The following TCP11L1 variants were observed in gnomAD, a reference collection of about 807,000 sequenced individuals.
The protein encoded by TCP11L1 is T-complex protein 11-like protein 1.
In TCP11L1, 28 loss-of-function variants were observed where a neutral mutation model predicts 48.9. The ratio of observed to expected loss-of-function variants is 0.57; its 90% CI spans 0.42 to 0.78. The LOEUF (loss-of-function observed/expected upper bound fraction) is 0.78. Among genes scored for constraint, TCP11L1 ranks in the 30% least tolerant of loss-of-function variants. TCP11L1 has a pLI of 0.00. For missense variants in TCP11L1, 505 were observed against 613.4 expected (o/e 0.82, Z 1.87); for synonymous variants, 204 against 231.9 (o/e 0.88, Z 1.09).
Position 33,073,479 on chromosome 11 carries a change from A to G in TCP11L1, c.*803A>G, listed in dbSNP as rs1854857111. 6.6e-6 allele frequency: 1 copy of G among 152,072 alleles called. No individual in the cohort carries two copies. Among genetic ancestry groups the G allele is most frequent in the Admixed American group, 6.5e-5 (1 of 15,282 alleles). The allele number at this position is 152,072 out of a possible 1,614,324, so 9.4% of individuals were successfully genotyped here. ...AAAATAGTTTACTGTAATGTGAACG[A>G]AGAGAAATGTCTGGAATTCTTACTG... On this transcript the variant is annotated 3_prime_UTR_variant, in exon 10 of 10. Transcript: ENST00000334274.
At chr11:33,057,370 G>A in intron 4 of TCP11L1, 135 bp downstream of exon 4, 1 of 1,441,896 alleles carries the variant, frequency 6.9e-7, no homozygotes, top group East Asian at 2.3e-5. Context: ...GGTGGATCAA[G>A]AGTGTTTTTG....
chr11:33,063,994 C>A (rs912698842), intron 7 of TCP11L1, among the ~76,000 whole-genome samples: 12 of 152,074 alleles, frequency 7.9e-5, no homozygotes, highest in African/African-American at 2.9e-4. Context: ...CTCCCTTTTC[C>A]CCACCGCTGA....
Position 33,057,953 on chromosome 11 carries a change from G to T in TCP11L1, c.452G>T (p.Arg151Ile). Residue 151 changes from arginine (R) to isoleucine (I), a missense_variant, in exon 5 of 10, where the codon AGA (arginine) becomes ATA (isoleucine). Around this residue, in one of 3 missense-constraint regions of TCP11L1, gnomAD observed 168 missense variants for 183.5 expected, o/e 0.92. Coordinates refer to ENST00000334274, the MANE Select transcript of TCP11L1 (RefSeq NM_018393.4). The part of the protein sequence containing the change: ...LLSFLLPGHT[R>I]LRNQITEVLD... ...TCTTTCTTGCTGCCTGGTCATACTA[G>T]ACTGAGAAACCAGATAACAGAAGTC... is the stretch of plus-strand genomic sequence containing the variant. 1 of 1,614,050 alleles carries T rather than the reference G, an allele frequency of 6.2e-7. No homozygotes were observed. Among genetic ancestry groups the T allele is most frequent in the South Asian group, 1.1e-5 (1 of 91,068 alleles).
At chr11:33,066,061 C>T (rs775434249) in intron 8 of TCP11L1, 50 bp downstream of exon 8, 20 of 1,598,732 alleles carry the variant, frequency 1.3e-5, no homozygotes, top group Admixed American at 1.0e-4. Context: ...GTCAGAGAGC[C>T]GACTGGAGTC....
In TCP11L1 at chr11:33,039,732, G is replaced by T. The variant is rs1853771073; in HGVS notation, c.-85G>T. 6.6e-6 allele frequency: 1 copy of T among 152,264 alleles called. No individual in the cohort carries two copies. Among genetic ancestry groups the T allele is most frequent in the Non-Finnish European group, 1.5e-5 (1 of 68,048 alleles). 9.4% of individuals were successfully genotyped at this position (152,264 alleles called of 1,614,324 possible). On this transcript the variant is annotated 5_prime_UTR_variant, in exon 1 of 10. Transcript: ENST00000334274. ...GCATCCCTCCGGCTTCCGCCGCGGCGCCAGCCCGCGCCTGATTCGCGGCGG... is the reference window on the plus strand; with the variant it reads ...GCATCCCTCCGGCTTCCGCCGCGGCTCCAGCCCGCGCCTGATTCGCGGCGG...
At chr11:33,052,827 T>G (rs1324558867) in intron 2 of TCP11L1, among the ~76,000 whole-genome samples, 2 of 151,990 alleles carry the variant, frequency 1.3e-5, no homozygotes, top group Non-Finnish European at 2.9e-5. Context: ...AAACTTGTCT[T>G]TAAAAAAATA....
intron 2 of TCP11L1, among the ~76,000 whole-genome samples, chr11:33,046,105 G>A (rs998377476): frequency 1.3e-5 from 2 of 152,236 alleles, no homozygotes; most frequent in African/African-American, 4.8e-5. Context: ...TTATGCCCTG[G>A]GCTTAGATTA....
chr11:33,052,153 G>A (rs1032892480), intron 2 of TCP11L1, among the ~76,000 whole-genome samples: 1 of 151,976 alleles, frequency 6.6e-6, no homozygotes, highest in South Asian at 2.1e-4. Context: ...CTTAATAACC[G>A]GGTGACAAAA....
chr11:33,060,435 G>A (rs575856756), intron 6 of TCP11L1, among the ~76,000 whole-genome samples: 1 of 152,284 alleles, frequency 6.6e-6, no homozygotes, highest in African/African-American at 2.4e-5. Context: ...AGGGTAAACT[G>A]GAGCTGCATC....
intron 1 of TCP11L1, chr11:33,040,997 A>G (rs1853815303): frequency 6.6e-6 from 1 of 152,124 alleles, no homozygotes; most frequent in Admixed American, 6.5e-5. Context: ...ATGTATTTGC[A>G]TCTTTCTATT....
rs763059789 is a variant in TCP11L1 at position 33,068,646 on chromosome 11, G to A, written c.1155-41G>A. ...TGGGCGGTTGGAGCTGGTTAGAGGT[G>A]TATTTTACTTATAGGCCCTTTCTCC... On this transcript the variant is annotated intron_variant, in intron 8 of 9. Coordinates refer to ENST00000334274, the MANE Select transcript of TCP11L1 (RefSeq NM_018393.4). 8.7e-6 allele frequency: 14 copies of A among 1,602,692 alleles called. 1 individual carries two copies. Among genetic ancestry groups the A allele is most frequent in the South Asian group, 7.8e-5 (7 of 90,016 alleles).
intron 2 of TCP11L1, among the ~76,000 whole-genome samples, chr11:33,045,252 C>T (rs1853954859): frequency 6.6e-6 from 1 of 151,406 alleles, no homozygotes; most frequent in African/African-American, 2.4e-5. Context: ...ACTTGTGGGG[C>T]TAAGGCAGGA....
At chr11:33,049,248 CAAA>C (rs3078634) in intron 2 of TCP11L1, among the ~76,000 whole-genome samples, 103 of 127,676 alleles carry the variant, frequency 8.1e-4, no homozygotes, top group Middle Eastern at 3.9e-3. Context: ...GACTCCGTCT[CAAA>C]AAAAAAAAAA....
At chr11:33,060,372 T>G (rs115888165) in intron 6 of TCP11L1, among the ~76,000 whole-genome samples, 1,880 of 152,208 alleles carry the variant, frequency 0.012, 44 homozygotes, top group African/African-American at 0.042. Flanking sequence ...GAGAATATTA[T>G]CAGCAGAAGA....
intron 2 of TCP11L1, among the ~76,000 whole-genome samples, chr11:33,050,356 G>A (rs1854122449): frequency 6.6e-6 from 1 of 152,062 alleles, no homozygotes; most frequent in Admixed American, 6.5e-5. Flanking sequence ...TAAGGGGTAA[G>A]ACCTTGGTGG....
At chr11:33,060,323 A>G (rs1854431788) in intron 6 of TCP11L1, among the ~76,000 whole-genome samples, 1 of 152,194 alleles carries the variant, frequency 6.6e-6, no homozygotes, top group African/African-American at 2.4e-5. Context: ...CTTAACTCAC[A>G]ACATGAAAGC....
At chr11:33,062,871 A>AT (rs1461935399) in intron 7 of TCP11L1, among the ~76,000 whole-genome samples, 1 of 152,062 alleles carries the variant, frequency 6.6e-6, no homozygotes. Flanking sequence ...GTTTTTTAAA[A>AT]TTTTTTTAAA....
intron 9 of TCP11L1, among the ~76,000 whole-genome samples, chr11:33,072,001 A>G (rs1340588130): frequency 3.9e-5 from 6 of 151,996 alleles, no homozygotes; most frequent in Admixed American, 3.9e-4. Flanking sequence ...GTGCGCCACC[A>G]CACCTGGCTA....
chr11:33,054,641 G>A lies in TCP11L1; in HGVS notation c.212G>A (p.Arg71Lys), dbSNP rs760256428. The A allele has an allele frequency of 5.6e-6, 9 of 1,613,896 alleles. No homozygotes were observed. Among genetic ancestry groups the A allele is most frequent in the Non-Finnish European group, 7.6e-6 (9 of 1,179,974 alleles). Residue 71 changes from arginine (R) to lysine (K), a missense_variant, in exon 3 of 10, where the codon AGA becomes AAA. By Grantham distance (26) the Arg-to-Lys change is conservative (BLOSUM62 2). Coordinates refer to ENST00000334274, the MANE Select transcript of TCP11L1 (RefSeq NM_018393.4). The part of the protein sequence containing the change: ...VTVEELLETA[R>K]GVTNMALAHE... ...GTAGAAGAACTTCTAGAGACAGCGA[G>A]AGGTGTCACCAACATGGCTCTAGCC...
Sources: gnomAD v4.1 joint callset for allele counts (sites outside exome capture counted in the v4.1 genomes callset) on GRCh38, gnomAD v4.1.1 for gene constraint, gnomAD v4.1.1 regional missense constraint, MANE v1.5 for transcripts, NCBI Gene and HGNC (gene_info 2026-07-23, HGNC 2026-07-21) for gene names.